ANKRD44: variants seen among roughly 807,000 people sequenced by gnomAD.
The protein encoded by ANKRD44 is ankyrin repeat domain 44.
Under a neutral mutation model 116.0 loss-of-function variants are expected in ANKRD44, and 35 were observed. The observed-to-expected ratio is 0.30, with a 90% confidence interval of 0.23 to 0.40. ANKRD44 has a LOEUF of 0.40. Among genes scored for constraint, ANKRD44 ranks in the 10% least tolerant of loss-of-function variants. The probability of loss-of-function intolerance (pLI) is 1.00; values close to 1 mark genes in which losing one functional copy is unlikely to be tolerated. For synonymous variants in ANKRD44, 435 were observed against 461.8 expected (o/e 0.94, Z 0.74); for missense variants, 1,014 against 1,242.6 (o/e 0.82, Z 2.77).
At chr2:197,074,965 G>A (rs957313398) in intron 16 of ANKRD44, among the ~76,000 whole-genome samples, 1 of 151,938 alleles carries the variant, frequency 6.6e-6, no homozygotes, top group Non-Finnish European at 1.5e-5. Context: ...AATCCCAGAA[G>A]CTCCTAGAAT....
chr2:197,083,704 T>C (rs760097764), intron 13 of ANKRD44, among the ~76,000 whole-genome samples, 195 bp from the exon 14 acceptor site: 1 of 152,192 alleles, frequency 6.6e-6, no homozygotes, highest in Non-Finnish European at 1.5e-5. Flanking sequence ...ACTAGAAGTG[T>C]TCTGGATGGT....
At chr2:197,029,598 C>T (rs2076665208) in intron 16 of ANKRD44, 27 of 433,546 alleles carry the variant, frequency 6.2e-5, no homozygotes, top group South Asian at 3.9e-4. Context: ...AGTTTTCTTA[C>T]ATTAAATGCA....
chr2:197,246,600 C>A (rs952796089), intron 1 of ANKRD44, among the ~76,000 whole-genome samples: 1 of 151,908 alleles, frequency 6.6e-6, no homozygotes, highest in African/African-American at 2.4e-5. Context: ...ACTCAACAGT[C>A]TTCCCAACCC....
In ANKRD44 at chr2:197,286,774, A is replaced by G. The variant is rs141923794; in HGVS notation, c.27+23804T>C. ...CGAAAAATATGTACCTTTGGTAAGC[A>G]TGAAAAAAGGCCACAGAATGAAAAA... On this transcript the variant is annotated intron_variant, in intron 1 of 27. Coordinates refer to ENST00000282272, the MANE Select transcript of ANKRD44 (RefSeq NM_001195144.2). Among the ~76,000 whole-genome samples, 527 of 152,288 alleles carry G rather than the reference A, an allele frequency of 3.5e-3. 3 individuals are homozygous for G. Among genetic ancestry groups the G allele is most frequent in the Middle Eastern group, 0.034 (10 of 294 alleles).
chr2:197,057,971 C>G (rs1250247407), intron 16 of ANKRD44, among the ~76,000 whole-genome samples: 1 of 152,190 alleles, frequency 6.6e-6, no homozygotes, highest in East Asian at 1.9e-4. Flanking sequence ...AGAACACACA[C>G]ATTTCCAACA....
chr2:197,029,727 T>C, intron 16 of ANKRD44: 2 of 269,084 alleles, frequency 7.4e-6, no homozygotes, highest in Non-Finnish European at 7.3e-6. Flanking sequence ...TGCCAGTTCT[T>C]ATTTGCTGAG....
chr2:197,078,033 A>T (rs2077709480), intron 16 of ANKRD44: 1 of 152,208 alleles, frequency 6.6e-6, no homozygotes, highest in African/African-American at 2.4e-5. Context: ...TTCTATACAA[A>T]GAAGGTGTTA....
intron 3 of ANKRD44, among the ~76,000 whole-genome samples, chr2:197,140,234 G>C (rs1574533041): frequency 6.6e-6 from 1 of 152,082 alleles, no homozygotes; most frequent in Non-Finnish European, 1.5e-5. Flanking sequence ...AGCCTCTAAA[G>C]TGTGCCGGTT....
At chr2:197,155,248 C>T (rs2079779281) in intron 2 of ANKRD44, among the ~76,000 whole-genome samples, 1 of 152,142 alleles carries the variant, frequency 6.6e-6, no homozygotes, top group Admixed American at 6.5e-5. Flanking sequence ...TGTTGAGGAA[C>T]CTGAGATTTT....
intron 1 of ANKRD44, among the ~76,000 whole-genome samples, chr2:197,257,795 C>T (rs1488918660): frequency 6.6e-6 from 1 of 152,170 alleles, no homozygotes; most frequent in Non-Finnish European, 1.5e-5. Flanking sequence ...GGATTAAGTA[C>T]ATTCACATTA....
intron 8 of ANKRD44, 140 bp downstream of exon 8, chr2:197,121,192 C>G (rs761707309): frequency 3.2e-5 from 26 of 819,072 alleles, no homozygotes; most frequent in Non-Finnish European, 4.5e-5. Context: ...CTCCAGACAA[C>G]TTTTCTTATA....
intron 1 of ANKRD44, among the ~76,000 whole-genome samples, chr2:197,228,561 A>T (rs1254485680): frequency 2.6e-5 from 4 of 152,206 alleles, no homozygotes; most frequent in Non-Finnish European, 5.9e-5. Context: ...CACAGCAATC[A>T]TCCATCTCTA....
chr2:197,004,627 C>T (rs2076171095), intron 21 of ANKRD44, among the ~76,000 whole-genome samples: 1 of 152,086 alleles, frequency 6.6e-6, no homozygotes, highest in African/African-American at 2.4e-5. Flanking sequence ...GGTTGGCAAG[C>T]ATGAGGAAAA....
At chr2:197,168,937 C>T (rs1384150709) in intron 2 of ANKRD44, among the ~76,000 whole-genome samples, 4 of 152,192 alleles carry the variant, frequency 2.6e-5, no homozygotes, top group Non-Finnish European at 5.9e-5. Context: ...ACAGCTTCTA[C>T]TCTCCCTGTC....
intron 16 of ANKRD44, among the ~76,000 whole-genome samples, chr2:197,075,976 C>T (rs1025071662): frequency 2.0e-5 from 3 of 152,152 alleles, no homozygotes; most frequent in Admixed American, 6.5e-5. Context: ...TCAGCTGGTC[C>T]AGATGGCCCC....
At chr2:197,221,934 C>T (rs1224441328) in intron 1 of ANKRD44, among the ~76,000 whole-genome samples, 3 of 152,292 alleles carry the variant, frequency 2.0e-5, no homozygotes, top group East Asian at 3.9e-4. Flanking sequence ...GGTCAGGCTA[C>T]TTTAACATCA....
At chr2:197,019,117 T>C (rs1409213229) in intron 17 of ANKRD44, among the ~76,000 whole-genome samples, 2 of 152,158 alleles carry the variant, frequency 1.3e-5, no homozygotes, top group African/African-American at 4.8e-5. Flanking sequence ...GAATAACAAA[T>C]ATTGAATCAG....
chr2:196,988,921 A>G lies in ANKRD44; in HGVS notation c.*670T>C, dbSNP rs2075871091. ...GCTGCCTTTGTGTATATGATCCACT[A>G]CACATCTGAGTTTTCATCTCGCAGA... On this transcript the variant is annotated 3_prime_UTR_variant, in exon 28 of 28. Coordinates refer to ENST00000282272, the MANE Select transcript of ANKRD44 (RefSeq NM_001195144.2). 1.0e-6 allele frequency: 1 copy of G among 985,460 alleles called. No homozygotes were observed. The highest frequency in any genetic ancestry group is 1.7e-5 in the African/African-American group (1 of 57,360). The allele number at this position is 985,460 out of a possible 1,614,324, so 61.0% of individuals were successfully genotyped here.
chr2:196,968,637 TCTC>T (rs1259194336), intron 21 of ANKRD44, among the ~76,000 whole-genome samples: 1 of 152,162 alleles, frequency 6.6e-6, no homozygotes. Context: ...AATTTCCTCT[TCTC>T]AGCTCTCTGA....
Sources: gnomAD v4.1 joint callset for allele counts (sites outside exome capture counted in the v4.1 genomes callset) on GRCh38, gnomAD v4.1.1 for gene constraint, MANE v1.5 for transcripts, NCBI Gene and HGNC (gene_info 2026-07-23, HGNC 2026-07-21) for gene names.